Variants in LAMA5 observed in about 807,000 individuals in gnomAD.
LAMA5 encodes laminin subunit alpha-5.
Under a neutral mutation model 433.4 loss-of-function variants are expected in LAMA5, and 260 were observed. The observed-to-expected ratio is 0.60, with a 90% confidence interval of 0.54 to 0.66. LAMA5 has a LOEUF of 0.66. LAMA5 is among the 30% of genes least tolerant of loss of function. The probability of loss-of-function intolerance (pLI) is 0.00; values close to 1 mark genes in which losing one functional copy is unlikely to be tolerated. For missense variants in LAMA5, 5,378 were observed against 5,258.5 expected (o/e 1.02, Z -0.70); for synonymous variants, 2,620 against 2,226.6 (o/e 1.18, Z -4.97).
chr20:62,311,946 G>A lies in LAMA5; in HGVS notation c.9609C>T (p.Tyr3203=), dbSNP rs756426753. The A allele has an allele frequency of 1.9e-5, 31 of 1,612,358 alleles. No homozygotes were observed. Among genetic ancestry groups the A allele is most frequent in the Admixed American group, 1.2e-4 (7 of 59,954 alleles). ...CCGTGGCATTGCTGTAGAAGGCGAC[G>A]TAATGGGGGGCACCATCGGCGAAGC... The part of the protein sequence containing the change: ...QAGFADGAPH[Y]VAFYSNATGV... Residue 3203 remains tyrosine (Y), a synonymous_variant, in exon 70 of 80, where the codon TAC becomes TAT. Coordinates refer to ENST00000252999, the MANE Select transcript of LAMA5 (RefSeq NM_005560.6).
chr20:62,310,036 C>T lies in LAMA5; in HGVS notation c.10780G>A (p.Val3594Met). Reference protein sequence around the residue: ...DDGAGEFSTSVTRPSVLCDGQ... With the variant: ...DDGAGEFSTSMTRPSVLCDGQ... ...TCACACAGCACTGAGGGGCGGGTCA[C>T]TGACGTGGAGAACTCCCCTGCTCCG... The change falls in exon 78 of 80, where the codon GTG (valine) becomes ATG (methionine). Residue 3594 changes from valine to methionine, a missense_variant. By Grantham distance (21) the Val-to-Met change is conservative. Transcript: ENST00000252999. The T allele has an allele frequency of 6.2e-7, 1 of 1,611,378 alleles. No individual in the cohort carries two copies. The highest frequency in any genetic ancestry group is 8.5e-7 in the Non-Finnish European group (1 of 1,179,760).
chr20:62,319,618 C>T, intron 51 of LAMA5, 66 bp downstream of exon 51: 2 of 1,209,172 alleles, frequency 1.7e-6, no homozygotes, highest in South Asian at 1.3e-5. Flanking sequence ...CGGCCAGGCA[C>T]CCCCACCCCT....
At position 62,338,494 on chromosome 20, in the gene LAMA5, G is replaced by A. The variant is rs1189757018; in HGVS notation, c.1592C>T (p.Pro531Leu). The part of the protein sequence containing the change: ...FQGTHCELCA[P>L]GFYGPGCQPC... ...CTGGCAGCCGGGGCCGTAGAACCCT[G>A]GCGCGCAGAGCTCACAATGGGTGCC... The change falls in exon 12 of 80, where the codon CCA becomes CTA. Residue 531 changes from proline to leucine, a missense_variant. Coordinates refer to ENST00000252999, the MANE Select transcript of LAMA5 (RefSeq NM_005560.6). 2 of 1,609,056 alleles carry A rather than the reference G, an allele frequency of 1.2e-6. No homozygotes were observed. Among genetic ancestry groups the A allele is most frequent in the Non-Finnish European group, 1.7e-6 (2 of 1,178,688 alleles).
intron 66 of LAMA5, 54 bp from the exon 67 acceptor site, chr20:62,312,834 C>G: frequency 6.2e-7 from 1 of 1,602,252 alleles, no homozygotes; most frequent in Non-Finnish European, 8.5e-7. Flanking sequence ...GCCTGCCCCG[C>G]CCCCATCGTT....
Position 62,311,931 on chromosome 20 carries a change from G to A in LAMA5, c.9624C>T (p.Ser3208=), listed in dbSNP as rs944896. ...DGAPHYVAFY[S]NATGVWLYVD... ...GCGGCCAGGCTCACCCCGTGGCATT[G>A]CTGTAGAAGGCGACGTAATGGGGGG... Residue 3208 remains serine, a synonymous_variant, in exon 70 of 80, where the codon AGC becomes AGT. Coordinates refer to ENST00000252999, the MANE Select transcript of LAMA5 (RefSeq NM_005560.6). The A allele has an allele frequency of 0.045, 72,257 of 1,611,344 alleles. 2,013 individuals carry two copies. The highest frequency in any genetic ancestry group is 0.055 in the Non-Finnish European group (65,031 of 1,179,212).
At chr20:62,329,698 C>G in intron 32 of LAMA5, 79 bp downstream of exon 32, 1 of 1,550,540 alleles carries the variant, frequency 6.4e-7, no homozygotes, top group Non-Finnish European at 8.8e-7. Flanking sequence ...AAGAGACAGA[C>G]CCAGCCCAAG....
intron 16 of LAMA5, 51 bp downstream of exon 16, chr20:62,337,539 G>T: frequency 6.4e-7 from 1 of 1,559,396 alleles, no homozygotes; most frequent in South Asian, 1.2e-5. Context: ...GAACAGCACA[G>T]ACCCACACAC....
Position 62,328,931 on chromosome 20 carries a change from C to A in LAMA5, c.4360G>T (p.Gly1454Trp). Residue 1454 changes from glycine to tryptophan, a missense_variant, in exon 34 of 80, where the codon GGG becomes TGG. Gly to Trp is a radical substitution (Grantham distance 184, BLOSUM62 -2). Transcript: ENST00000252999. ...TGGGCATGGCAGGGACACTGGCCCC[C>A]GAAGGGCTCACACGTGGGGCCTGTA... is the stretch of plus-strand genomic sequence containing the variant. ...GATGPTCEPF[G>W]GQCPCHAHVI... 1 of 1,611,512 alleles carries A rather than the reference C, an allele frequency of 6.2e-7. No homozygotes were observed. The highest frequency in any genetic ancestry group is 8.5e-7 in the Non-Finnish European group (1 of 1,179,022).
At chr20:62,320,517 G>T (rs780676253) in intron 50 of LAMA5, 42 bp downstream of exon 50, 1 of 1,473,220 alleles carries the variant, frequency 6.8e-7, no homozygotes, top group Non-Finnish European at 9.2e-7. Flanking sequence ...GGGAACACAG[G>T]TGAAAGCCTC....
chr20:62,316,097 C>A lies in LAMA5; in HGVS notation c.7757-39G>T, dbSNP rs756485885. On this transcript the variant is annotated intron_variant, in intron 57 of 79. Coordinates refer to ENST00000252999, the MANE Select transcript of LAMA5 (RefSeq NM_005560.6). ...AGCTTCAGCTCCCAGGCAGCTTCAC[C>A]CCCAGTATACAATTGCAGCCCACCT... 3 of 1,435,696 alleles carry A rather than the reference C, an allele frequency of 2.1e-6. No homozygotes were observed. The South Asian group carries it at 3.6e-5, about 17-fold the overall frequency. 88.9% of individuals were successfully genotyped at this position (1,435,696 alleles called of 1,614,324 possible).
Position 62,336,336 on chromosome 20 carries a change from T to C in LAMA5, c.2323+4A>G. On this transcript the variant is annotated splice_donor_region_variant and intron_variant, in intron 18 of 79. Coordinates refer to ENST00000252999, the MANE Select transcript of LAMA5 (RefSeq NM_005560.6). ...TGTACCCCAATACTCCAGGGCACAC[T>C]CACGGGTACAGCCCTCGGGGTTGCT... 6.3e-7 allele frequency: 1 copy of C among 1,599,028 alleles called. No individual in the cohort carries two copies. Among genetic ancestry groups the C allele is most frequent in the Non-Finnish European group, 8.5e-7 (1 of 1,170,836 alleles).
In LAMA5 at chr20:62,346,493, T is replaced by C; in HGVS notation, c.1282+13A>G. On this transcript the variant is annotated intron_variant, in intron 9 of 79. Transcript: ENST00000252999. Reference sequence around the variant, plus strand: ...CTGAGACCCAGGACACCCGCCCAGCTGAGCCCACTCACGGCGGCAGACGTG... The same window carrying C: ...CTGAGACCCAGGACACCCGCCCAGCCGAGCCCACTCACGGCGGCAGACGTG... 6.5e-7 allele frequency: 1 copy of C among 1,549,878 alleles called. No individual in the cohort carries two copies. The highest frequency in any genetic ancestry group is 1.2e-5 in the South Asian group (1 of 84,018).
Position 62,322,089 on chromosome 20 carries a change from G to C in LAMA5, c.6426C>G (p.Cys2142Trp), listed in dbSNP as rs149051120. ...NCPPGLSGER[C>W]DTCSQQHQVP... is the part of the protein sequence containing the mutation. ...CCTGATGCTGCTGGCTGCAGGTGTC[G>C]CAGCGCTCCCCGCTGAGCCCCGGGG... is the stretch of plus-strand genomic sequence containing the variant. Residue 2142 changes from cysteine to tryptophan, a missense_variant, in exon 48 of 80, where the codon TGC becomes TGG. Coordinates refer to ENST00000252999, the MANE Select transcript of LAMA5 (RefSeq NM_005560.6). The C allele has an allele frequency of 6.2e-7, 1 of 1,601,692 alleles. No individual in the cohort carries two copies. Among genetic ancestry groups the C allele is most frequent in the East Asian group, 2.2e-5 (1 of 44,840 alleles).
intron 55 of LAMA5, 83 bp from the exon 56 acceptor site, chr20:62,317,106 GC>G: frequency 7.0e-7 from 1 of 1,429,342 alleles, no homozygotes; most frequent in Non-Finnish European, 9.2e-7. Context: ...CTCACAACCA[GC>G]CGTGCCCGTG....
At chr20:62,354,479 A>G (rs1984862566) in intron 2 of LAMA5, among the ~76,000 whole-genome samples, 4 of 151,798 alleles carry the variant, frequency 2.6e-5, no homozygotes, top group African/African-American at 4.8e-5. Context: ...CCATGCCTGC[A>G]CCTGGGGGTG....
rs1196330604 is a variant in LAMA5, at chr20:62,324,419, G to A, written c.5643+22C>T. The A allele has an allele frequency of 1.3e-6, 2 of 1,576,948 alleles. No individual in the cohort carries two copies. Among genetic ancestry groups the A allele is most frequent in the East Asian group, 2.2e-5 (1 of 44,464 alleles). ...TGCCTTCAGTGAATGCTGCCCCCCTGGCCCCACCAGCCCCTACTCACCACA... is the reference window on the plus strand; with the variant it reads ...TGCCTTCAGTGAATGCTGCCCCCCTAGCCCCACCAGCCCCTACTCACCACA... On this transcript the variant is annotated intron_variant, in intron 42 of 79. Coordinates refer to ENST00000252999, the MANE Select transcript of LAMA5 (RefSeq NM_005560.6). The surrounding 1 kb of genome is among the most constrained non-coding windows in gnomAD (Gnocchi z 4.4).
intron 55 of LAMA5, among the ~76,000 whole-genome samples, 155 bp from the exon 56 acceptor site, chr20:62,317,178 G>A (rs1295384981): frequency 2.6e-5 from 4 of 152,230 alleles, no homozygotes; most frequent in African/African-American, 9.6e-5. Context: ...TGGGTGTACT[G>A]CTCCTGTCAC....
rs529884500 is a variant in LAMA5 at position 62,314,182 on chromosome 20, G to A, written c.8504+122C>T. On this transcript the variant is annotated intron_variant, in intron 62 of 79. Transcript: ENST00000252999. ...GGGTGGCGAGTGGGCACGGAGAGGC[G>A]AGGGGTGGCGAGTGGGCATGGAGAG... The A allele has an allele frequency of 3.1e-5, 39 of 1,269,654 alleles. No individual in the cohort carries two copies. In the African/African-American group the frequency reaches 3.8e-4, roughly 12 times the overall value. The allele number at this position is 1,269,654 out of a possible 1,614,324, so 78.6% of individuals were successfully genotyped here.
Position 62,328,836 on chromosome 20 carries a change from G to A in LAMA5, c.4447+8C>T, listed in dbSNP as rs751761758. On this transcript the variant is annotated splice_region_variant and intron_variant, in intron 34 of 79. Coordinates refer to ENST00000252999, the MANE Select transcript of LAMA5 (RefSeq NM_005560.6). ...TGCCACTGGGCGCCCAAGGACTGGG[G>A]TACTCACGCCTGCAGTTGGGGAAGC... 6 of 1,610,224 alleles carry A rather than the reference G, an allele frequency of 3.7e-6. No individual in the cohort carries two copies. Among genetic ancestry groups the A allele is most frequent in the Non-Finnish European group, 5.1e-6 (6 of 1,179,098 alleles).
Sources: gnomAD v4.1 joint callset for allele counts (sites outside exome capture counted in the v4.1 genomes callset) on GRCh38, gnomAD v4.1.1 for gene constraint, Gnocchi (gnomAD v3.1) non-coding constraint, MANE v1.5 for transcripts, NCBI Gene and HGNC (gene_info 2026-07-23, HGNC 2026-07-21) for gene names.